UMAD1: variants seen among roughly 807,000 people sequenced by gnomAD.
UMAD1 encodes the protein UBAP1-MVB12-associated (UMA) domain containing 1.
In UMAD1, 8 loss-of-function variants were observed where a neutral mutation model predicts 6.1. The observed-to-expected ratio is 1.30, with a 90% confidence interval of 0.76 to 2.35. UMAD1 has a LOEUF of 2.35. Among genes scored for constraint, UMAD1 ranks in the 30% most tolerant of loss-of-function variants. The pLI is 0.00. For synonymous variants in UMAD1, 56 were observed against 31.4 expected (o/e 1.78, Z -2.61); for missense variants, 130 against 78.4 (o/e 1.66, Z -2.49).
intron 2 of UMAD1, among the ~76,000 whole-genome samples, chr7:7,678,471 A>C (rs62432577): frequency 0.057 from 8,150 of 142,030 alleles, 312 homozygotes; most frequent in Middle Eastern, 0.13. Context: ...ATATATATTT[A>C]TATATTTAAT....
intron 2 of UMAD1, among the ~76,000 whole-genome samples, chr7:7,755,589 G>T (rs1015227367): frequency 6.6e-6 from 1 of 152,144 alleles, no homozygotes; most frequent in Non-Finnish European, 1.5e-5. Flanking sequence ...CTACAGTCCA[G>T]CCTATGCCAG....
intron 2 of UMAD1, among the ~76,000 whole-genome samples, chr7:7,793,059 A>G (rs900269603): frequency 6.6e-6 from 1 of 152,220 alleles, no homozygotes; most frequent in Admixed American, 6.5e-5. Context: ...CTTTCAGTCC[A>G]TAGATTCTCT....
At chr7:7,706,672 T>A (rs1217764593) in intron 2 of UMAD1, among the ~76,000 whole-genome samples, 2 of 152,176 alleles carry the variant, frequency 1.3e-5, no homozygotes, top group Non-Finnish European at 2.9e-5. Context: ...AACTTAGTAC[T>A]ATTATTTCTA....
At chr7:7,794,665 A>G (rs972465140) in intron 2 of UMAD1, among the ~76,000 whole-genome samples, 1 of 152,220 alleles carries the variant, frequency 6.6e-6, no homozygotes, top group Non-Finnish European at 1.5e-5. Flanking sequence ...ACACTGGTAT[A>G]GGACCTCATG....
rs1235117372 is a variant in UMAD1, at chr7:7,673,420, C to G, written c.49C>G (p.Pro17Ala). The change falls in exon 2 of 4, where the codon CCA becomes GCA. Residue 17 changes from proline to alanine, a missense_variant. Coordinates refer to ENST00000682710, the MANE Select transcript of UMAD1 (RefSeq NM_001302348.2). ...KPPESKKPSV[P>A]ETEADGFVLL... Reference sequence around the variant, plus strand: ...TCCGGAATCTAAAAAGCCCTCAGTACCAGAGACAGAAGCAGATGGATTCGT... The same window carrying G: ...TCCGGAATCTAAAAAGCCCTCAGTAGCAGAGACAGAAGCAGATGGATTCGT... The G allele has an allele frequency of 1.5e-5, 15 of 1,020,946 alleles. No homozygotes were observed. Among genetic ancestry groups the G allele is most frequent in the Non-Finnish European group, 2.2e-5 (15 of 674,872 alleles). The allele number at this position is 1,020,946 out of a possible 1,614,324, so 63.2% of individuals were successfully genotyped here.
chr7:7,671,956 G>T (rs28915992), intron 1 of UMAD1, among the ~76,000 whole-genome samples: 26,117 of 151,962 alleles, frequency 0.17, 2,458 homozygotes, highest in Middle Eastern at 0.24. Flanking sequence ...AGTGAAATCT[G>T]CCAGATATGT....
intron 2 of UMAD1, among the ~76,000 whole-genome samples, chr7:7,695,874 T>G (rs1007616442): frequency 2.0e-5 from 3 of 152,166 alleles, no homozygotes; most frequent in Non-Finnish European, 4.4e-5. Flanking sequence ...TCTTATGCAC[T>G]AATGGTTGGA....
intron 2 of UMAD1, among the ~76,000 whole-genome samples, chr7:7,741,376 C>T (rs1049392317): frequency 6.6e-6 from 1 of 151,846 alleles, no homozygotes; most frequent in Admixed American, 6.6e-5. Context: ...TCCAGACCAT[C>T]CTGGCTAACA....
At chr7:7,858,056 T>G (rs543863179) in intron 3 of UMAD1, among the ~76,000 whole-genome samples, 1 of 152,198 alleles carries the variant, frequency 6.6e-6, no homozygotes, top group Non-Finnish European at 1.5e-5. Context: ...ACTTCAGTAT[T>G]CCCCATCTGT....
intron 2 of UMAD1, among the ~76,000 whole-genome samples, chr7:7,760,867 A>G (rs1315821019): frequency 2.0e-5 from 3 of 152,160 alleles, no homozygotes; most frequent in African/African-American, 7.2e-5. Flanking sequence ...TTACTAGCAA[A>G]ACAGCACTTT....
In UMAD1 at chr7:7,697,675, G is replaced by A. The variant is rs140190248; in HGVS notation, c.82+24222G>A. On this transcript the variant is annotated intron_variant, in intron 2 of 3. Transcript: ENST00000682710. ...CATTCATGTGACATTGGCACCCAGT[G>A]TGTAATAGAGCTGTGGTTATTTTAA... 7.9e-5 allele frequency among the ~76,000 whole-genome samples: 12 copies of A among 152,306 alleles called. No individual in the cohort carries two copies. The East Asian group carries it at 2.3e-3, about 29-fold the overall frequency.
intron 1 of UMAD1, among the ~76,000 whole-genome samples, chr7:7,644,639 G>A (rs4720745): frequency 0.63 from 95,386 of 151,946 alleles, 30,318 homozygotes; most frequent in East Asian, 0.88. Flanking sequence ...TCACCTTTTT[G>A]CCACCTTCAC....
chr7:7,704,764 C>A, intron 2 of UMAD1, among the ~76,000 whole-genome samples: 1 of 48,154 alleles, frequency 2.1e-5, no homozygotes, highest in Non-Finnish European at 3.5e-5. Flanking sequence ...GAGACTCCAT[C>A]TCAAAAAAAA....
chr7:7,703,090 T>G (rs1156906086), intron 2 of UMAD1, among the ~76,000 whole-genome samples: 2 of 152,200 alleles, frequency 1.3e-5, no homozygotes, highest in African/African-American at 2.4e-5. Flanking sequence ...TAGAACTTCC[T>G]TGCCAAACCT....
intron 2 of UMAD1, among the ~76,000 whole-genome samples, chr7:7,677,518 G>A (rs1455073223): frequency 1.3e-5 from 2 of 151,986 alleles, no homozygotes; most frequent in Admixed American, 6.6e-5. Context: ...TTGTCTTTTT[G>A]TGCCTGCTTT....
intron 2 of UMAD1, among the ~76,000 whole-genome samples, chr7:7,714,246 C>T (rs1409532229): frequency 6.6e-6 from 1 of 152,170 alleles, no homozygotes; most frequent in Non-Finnish European, 1.5e-5. Flanking sequence ...TGCATATTGA[C>T]CAGCATTTCC....
chr7:7,766,218 T>A (rs1781983215), intron 2 of UMAD1, among the ~76,000 whole-genome samples: 1 of 152,242 alleles, frequency 6.6e-6, no homozygotes, highest in African/African-American at 2.4e-5. Context: ...CATGTGTAGT[T>A]AATCAATTTT....
chr7:7,658,387 C>T (rs948051132), intron 1 of UMAD1, among the ~76,000 whole-genome samples: 14 of 152,318 alleles, frequency 9.2e-5, no homozygotes, highest in African/African-American at 3.4e-4. Context: ...TTGCCTTGTG[C>T]CAGTTTTCAA....
intron 2 of UMAD1, among the ~76,000 whole-genome samples, chr7:7,728,516 C>T (rs1781187335): frequency 6.6e-6 from 1 of 152,014 alleles, no homozygotes; most frequent in South Asian, 2.1e-4. Flanking sequence ...TGGTGGCGTG[C>T]ACCTGTAGTC....
Sources: allele counts gnomAD v4.1 joint callset (sites outside exome capture counted in the v4.1 genomes callset), GRCh38; gene constraint gnomAD v4.1.1; transcripts MANE v1.5; gene names NCBI Gene and HGNC (gene_info 2026-07-23, HGNC 2026-07-21).